The following AGAP1 variants were observed in gnomAD, a reference collection of about 807,000 sequenced individuals.
AGAP1 encodes arf-GAP with GTPase, ANK repeat and PH domain-containing protein 1.
Under a neutral mutation model 105.3 loss-of-function variants are expected in AGAP1, and 29 were observed. That is an observed-to-expected ratio of 0.28 (90% CI 0.21 to 0.38). The LOEUF (loss-of-function observed/expected upper bound fraction) is 0.38. AGAP1 is among the 10% of genes least tolerant of loss of function. The pLI, the probability that AGAP1 is intolerant of heterozygous loss-of-function variation, is 1.00. For synonymous variants in AGAP1, 509 were observed against 485.9 expected (o/e 1.05, Z -0.63); for missense variants, 998 against 1,165.1 (o/e 0.86, Z 2.09).
chr2:235,945,202 G>A (rs538700670), intron 12 of AGAP1, among the ~76,000 whole-genome samples: 5 of 152,254 alleles, frequency 3.3e-5, no homozygotes, highest in East Asian at 1.9e-4. Context: ...CCAGGTTCCC[G>A]CCATTCTCCT....
rs1388345947 is a variant in AGAP1, at chr2:235,559,946, A to G, written c.163+65097A>G. ...TCTTTTTTTCTGTGGTTTGTCCATT[A>G]ATGTTCTTGATATTCTTTGAGGTAC... On this transcript the variant is annotated intron_variant, in intron 1 of 17. Transcript: ENST00000304032. The surrounding 1 kb of genome is among the most constrained non-coding windows in gnomAD (Gnocchi z 5.7). Among the ~76,000 whole-genome samples, 2 of 152,024 alleles carry G rather than the reference A, an allele frequency of 1.3e-5. No individual in the cohort carries two copies. The highest frequency in any genetic ancestry group is 2.9e-5 in the Non-Finnish European group (2 of 68,004).
chr2:236,119,966 G>A lies in AGAP1; in HGVS notation c.2115-226G>A, dbSNP rs562169376. On this transcript the variant is annotated intron_variant, in intron 16 of 17. Transcript: ENST00000304032. This position sits in a 1 kb window ranked among gnomAD's most constrained non-coding sequence, Gnocchi z 6.6. ...CGAGAGGTTTGGATTCAGGGGGTCT[G>A]GGGCGTGACCTGAGAATCTGCATTT... 6.6e-6 allele frequency among the ~76,000 whole-genome samples: 1 copy of A among 152,316 alleles called. No homozygotes were observed. Among genetic ancestry groups the A allele is most frequent in the African/African-American group, 2.4e-5 (1 of 41,578 alleles).
In AGAP1 at chr2:235,609,953, C is replaced by T. The variant is rs1235546622; in HGVS notation, c.164-99226C>T. Among the ~76,000 whole-genome samples the T allele has an allele frequency of 1.3e-5, 2 of 152,096 alleles. No individual in the cohort carries two copies. Among genetic ancestry groups the T allele is most frequent in the Non-Finnish European group, 2.9e-5 (2 of 68,022 alleles). Reference sequence around the variant, plus strand: ...GTGAGTGGCCAACCACCTGAGAATACCTGGTGTTTCCTTCCTCAGGGACGG... The same window carrying T: ...GTGAGTGGCCAACCACCTGAGAATATCTGGTGTTTCCTTCCTCAGGGACGG... On this transcript the variant is annotated intron_variant, in intron 1 of 17. Coordinates refer to ENST00000304032, the MANE Select transcript of AGAP1 (RefSeq NM_001037131.3). This position sits in a 1 kb window ranked among gnomAD's most constrained non-coding sequence, Gnocchi z 5.1.
intron 1 of AGAP1, among the ~76,000 whole-genome samples, chr2:235,654,423 A>G (rs1947707693): frequency 1.3e-5 from 2 of 152,230 alleles, no homozygotes; most frequent in South Asian, 2.1e-4. Context: ...AGATTTTCCA[A>G]TTGGATATTT....
At position 235,887,297 on chromosome 2, in the gene AGAP1, A is replaced by G. The variant is rs2050316936; in HGVS notation, c.1155+3848A>G. Among the ~76,000 whole-genome samples the G allele has an allele frequency of 6.6e-6, 1 of 152,028 alleles. No individual in the cohort carries two copies. The highest frequency in any genetic ancestry group is 2.1e-4 in the South Asian group (1 of 4,816). ...AGGATTGCTGGTGTTTGGGTTTCAG[A>G]GTCATTATTGTTGCTCCTAACTCTA... On this transcript the variant is annotated intron_variant, in intron 10 of 17. Transcript: ENST00000304032. The surrounding 1 kb of genome is among the most constrained non-coding windows in gnomAD (Gnocchi z 4.1).
chr2:235,698,534 C>CTG (rs1369877365), intron 1 of AGAP1, among the ~76,000 whole-genome samples: 2 of 152,210 alleles, frequency 1.3e-5, no homozygotes, highest in Non-Finnish European at 1.5e-5. Flanking sequence ...AACATTTTCA[C>CTG]TTTCAAGGAC....
intron 1 of AGAP1, among the ~76,000 whole-genome samples, chr2:235,567,326 C>T (rs1944378777): frequency 6.6e-6 from 1 of 152,222 alleles, no homozygotes; most frequent in African/African-American, 2.4e-5. Flanking sequence ...GAGGACTGCT[C>T]TGCCCTCAGC....
chr2:235,861,920 G>A (rs1473495279), intron 9 of AGAP1, among the ~76,000 whole-genome samples: 1 of 152,210 alleles, frequency 6.6e-6, no homozygotes, highest in African/African-American at 2.4e-5. Context: ...GAGTTAAAAA[G>A]TCCCATTTGG....
At chr2:235,946,638 C>T (rs1438111104) in intron 12 of AGAP1, among the ~76,000 whole-genome samples, 1 of 152,232 alleles carries the variant, frequency 6.6e-6, no homozygotes, top group Non-Finnish European at 1.5e-5. Context: ...TAGAAACAAT[C>T]TCTGTGTCCA....
intron 9 of AGAP1, among the ~76,000 whole-genome samples, chr2:235,817,712 G>A (rs562104181): frequency 2.0e-4 from 30 of 152,220 alleles, no homozygotes; most frequent in African/African-American, 6.5e-4. Flanking sequence ...CCAACATGGC[G>A]AAACCCCATC....
Position 235,623,338 on chromosome 2 carries a change from C to G in AGAP1, c.164-85841C>G, listed in dbSNP as rs1029294252. Among the ~76,000 whole-genome samples the G allele has an allele frequency of 2.0e-5, 3 of 152,146 alleles. No individual in the cohort carries two copies. Among genetic ancestry groups the G allele is most frequent in the African/African-American group, 7.2e-5 (3 of 41,420 alleles). ...GCCTACAAATCAAGATTTGCTTTGCCTCGTTGTGTAAATATCGGCAAACCA... is the reference window on the plus strand; with the variant it reads ...GCCTACAAATCAAGATTTGCTTTGCGTCGTTGTGTAAATATCGGCAAACCA... On this transcript the variant is annotated intron_variant, in intron 1 of 17. Transcript: ENST00000304032. This position sits in a 1 kb window ranked among gnomAD's most constrained non-coding sequence, Gnocchi z 4.5.
At chr2:235,836,844 C>T (rs1023792754) in intron 9 of AGAP1, among the ~76,000 whole-genome samples, 1 of 152,188 alleles carries the variant, frequency 6.6e-6, no homozygotes, top group Non-Finnish European at 1.5e-5. Flanking sequence ...GGGGCACAGA[C>T]AGAACAGGAG....
chr2:235,587,751 G>A (rs1218060580), intron 1 of AGAP1, among the ~76,000 whole-genome samples: 4 of 119,224 alleles, frequency 3.4e-5, no homozygotes, highest in Non-Finnish European at 5.3e-5. Flanking sequence ...GCAAAACTCC[G>A]CCTTAAAAAA....
chr2:235,970,439 G>A lies in AGAP1; in HGVS notation c.1645+1816G>A, dbSNP rs544714159. Among the ~76,000 whole-genome samples the A allele has an allele frequency of 6.6e-6, 1 of 152,230 alleles. No individual in the cohort carries two copies. Among genetic ancestry groups the A allele is most frequent in the South Asian group, 2.1e-4 (1 of 4,820 alleles). On this transcript the variant is annotated intron_variant, in intron 13 of 17. Coordinates refer to ENST00000304032, the MANE Select transcript of AGAP1 (RefSeq NM_001037131.3). This position sits in a 1 kb window ranked among gnomAD's most constrained non-coding sequence, Gnocchi z 5.4. The stretch of plus-strand genomic sequence containing the variant: ...CAAGCACGTGCAGCCACCCCTCCCT[G>A]ATTGGGAAGAAGGTTAGCCTCCCCC...
rs1172393048 is a variant in AGAP1, at chr2:235,746,377, CTTTTTTTTTTTT to C, written c.538+1561_538+1572del. ...GCTTCCTGGAGAGCACCTCCCCCAACTTTTTTTTTTTTTTTTTTTTTTTTTTTTTTTTTTAAA... is the reference window on the plus strand; with the variant it reads ...GCTTCCTGGAGAGCACCTCCCCCAACTTTTTTTTTTTTTTTTTTTTTTAAA... On this transcript the variant is annotated intron_variant, in intron 5 of 17. Coordinates refer to ENST00000304032, the MANE Select transcript of AGAP1 (RefSeq NM_001037131.3). Among the ~76,000 whole-genome samples, 74 of 55,568 alleles carry C rather than the reference CTTTTTTTTTTTT, an allele frequency of 1.3e-3. 4 individuals carry two copies. In the South Asian group the frequency reaches 0.014, roughly 10 times the overall value. 36.5% of individuals were successfully genotyped at this position (55,568 alleles called of 152,430 possible). A position where few individuals can be genotyped will look rare whatever the true frequency, so the allele number is the denominator to read the frequency against.
At chr2:235,849,904 C>T (rs1166023117) in intron 9 of AGAP1, among the ~76,000 whole-genome samples, 3 of 152,198 alleles carry the variant, frequency 2.0e-5, no homozygotes, top group African/African-American at 7.2e-5. Flanking sequence ...GACATGCTCC[C>T]CTCTCCCTCT....
rs1439056579 is a variant in AGAP1 at position 235,893,271 on chromosome 2, C to T, written c.1155+9822C>T. On this transcript the variant is annotated intron_variant, in intron 10 of 17. Transcript: ENST00000304032. The surrounding 1 kb of genome is among the most constrained non-coding windows in gnomAD (Gnocchi z 4.7). Reference sequence around the variant, plus strand: ...TGCCATGTCCATCATAAGGAAGCGCCGTGTCTGTAGCGTGGGTGTAGCGTG... The same window carrying T: ...TGCCATGTCCATCATAAGGAAGCGCTGTGTCTGTAGCGTGGGTGTAGCGTG... 2.0e-5 allele frequency among the ~76,000 whole-genome samples: 3 copies of T among 149,630 alleles called. No individual in the cohort carries two copies. The highest frequency in any genetic ancestry group is 2.0e-4 in the East Asian group (1 of 5,006).
intron 11 of AGAP1, among the ~76,000 whole-genome samples, chr2:235,917,963 C>T (rs535193457): frequency 4.6e-5 from 7 of 152,300 alleles, no homozygotes; most frequent in African/African-American, 1.7e-4. Flanking sequence ...AAACTAGACC[C>T]GTTGTTGTCT....
Position 235,883,532 on chromosome 2 carries a change from G to C in AGAP1, c.1155+83G>C. ...GGAAGGGGAACCTACCAGCAGCCCA[G>C]CCTCTTGTCTCTGTTTGAAGTGAAA... On this transcript the variant is annotated intron_variant, in intron 10 of 17. Transcript: ENST00000304032. This position sits in a 1 kb window ranked among gnomAD's most constrained non-coding sequence, Gnocchi z 4.5. 9.0e-7 allele frequency: 1 copy of C among 1,116,130 alleles called. No homozygotes were observed. The allele number at this position is 1,116,130 out of a possible 1,614,324, so 69.1% of individuals were successfully genotyped here. A position where few individuals can be genotyped will look rare whatever the true frequency, so the allele number is the denominator to read the frequency against.
Sources: gnomAD v4.1 joint callset for allele counts (sites outside exome capture counted in the v4.1 genomes callset) on GRCh38, gnomAD v4.1.1 for gene constraint, Gnocchi (gnomAD v3.1) non-coding constraint, MANE v1.5 for transcripts, NCBI Gene and HGNC (gene_info 2026-07-23, HGNC 2026-07-21) for gene names.